Variants in CPVL observed in about 807,000 individuals in gnomAD.
CPVL encodes the protein carboxypeptidase vitellogenic like, also known as probable serine carboxypeptidase CPVL.
Under a neutral mutation model 63.7 loss-of-function variants are expected in CPVL, and 51 were observed. The ratio of observed to expected loss-of-function variants is 0.80; its 90% CI spans 0.64 to 1.01. The LOEUF (loss-of-function observed/expected upper bound fraction) is 1.01, where lower values mean the gene tolerates loss of function less well. Ranked by LOEUF, CPVL falls within the 50% of genes least tolerant of loss-of-function variation. The pLI is 0.00. For missense variants in CPVL, 530 were observed against 573.1 expected, an observed-to-expected ratio of 0.92 and a Z score of 0.77; for synonymous variants, 195 against 206.0, an observed-to-expected ratio of 0.95 and a Z score of 0.46.
intron 12 of CPVL, among the ~76,000 whole-genome samples, chr7:29,006,903 C>A (rs960519509): frequency 1.0e-5 from 1 of 98,258 alleles, no homozygotes; most frequent in Non-Finnish European, 2.0e-5. Context: ...CTCCATCTTC[C>A]GCCTTATTTG....
At chr7:29,100,066 G>A (rs1786939138) in intron 3 of CPVL, among the ~76,000 whole-genome samples, 1 of 152,124 alleles carries the variant, frequency 6.6e-6, no homozygotes, top group Non-Finnish European at 1.5e-5. Flanking sequence ...CACCAGTACT[G>A]CCTTCCACTT....
chr7:28,997,581 A>G (rs1784208961), intron 12 of CPVL, among the ~76,000 whole-genome samples: 1 of 152,214 alleles, frequency 6.6e-6, no homozygotes, highest in Non-Finnish European at 1.5e-5. Flanking sequence ...TCACATGAGC[A>G]TTGAGATGAC....
chr7:29,105,087 T>G (rs753873855), intron 3 of CPVL, among the ~76,000 whole-genome samples: 1 of 152,212 alleles, frequency 6.6e-6, no homozygotes, highest in African/African-American at 2.4e-5. Context: ...GATCTCCAAA[T>G]CTTTGTTGCA....
chr7:29,163,988 A>C (rs1452496009), intron 5 of CPVL, among the ~76,000 whole-genome samples: 1 of 152,252 alleles, frequency 6.6e-6, no homozygotes, highest in African/African-American at 2.4e-5. Context: ...ATTCGTGGAC[A>C]AGTCCTTATG....
In CPVL at chr7:29,064,137, A is replaced by G; in HGVS notation, c.1061T>C (p.Ile354Thr). The change falls in exon 11 of 13, where the codon ATA (isoleucine) becomes ACA (threonine). Residue 354 changes from isoleucine to threonine, a missense_variant. By Grantham distance (89) the Ile-to-Thr change is moderately conservative. Coordinates refer to ENST00000265394, the MANE Select transcript of CPVL (RefSeq NM_031311.5). Reference protein sequence around the residue: ...VGNQTFNDGTIVEKYLREDTV... With the variant: ...VGNQTFNDGTTVEKYLREDTV... The stretch of plus-strand genomic sequence containing the variant: ...ATCTTCTCGCAAGTACTTTTCAACT[A>G]TAGTTCCATCATTAAAAGTCTGATT... The G allele has an allele frequency of 2.5e-6, 4 of 1,612,880 alleles. No individual in the cohort carries two copies. Among genetic ancestry groups the G allele is most frequent in the Non-Finnish European group, 3.4e-6 (4 of 1,178,928 alleles).
chr7:29,076,278 C>T (rs569438400), intron 7 of CPVL, among the ~76,000 whole-genome samples: 1 of 152,252 alleles, frequency 6.6e-6, no homozygotes, highest in South Asian at 2.1e-4. Flanking sequence ...ACAACCAGAA[C>T]TCTTGGTCCC....
chr7:29,161,963 C>A (rs1489009780), intron 5 of CPVL, among the ~76,000 whole-genome samples: 1 of 152,124 alleles, frequency 6.6e-6, no homozygotes, highest in Admixed American at 6.5e-5. Flanking sequence ...AAGTTAAAAT[C>A]ACCAAGACAG....
At chr7:29,097,127 G>A (rs1786518466) in intron 3 of CPVL, among the ~76,000 whole-genome samples, 1 of 152,102 alleles carries the variant, frequency 6.6e-6, no homozygotes, top group Non-Finnish European at 1.5e-5. Flanking sequence ...CCTGAACAAG[G>A]TACAGATTTA....
intron 5 of CPVL, among the ~76,000 whole-genome samples, chr7:29,154,976 T>C (rs1217769422): frequency 6.6e-6 from 1 of 152,164 alleles, no homozygotes; most frequent in Admixed American, 6.5e-5. Flanking sequence ...GCAAGTCACA[T>C]CTTACATGGA....
At chr7:28,996,191 T>G (rs1784040014) in intron 12 of CPVL, 1 of 248,052 alleles carries the variant, frequency 4.0e-6, no homozygotes, top group Non-Finnish European at 7.6e-6. Context: ...TCCCCGCAGT[T>G]GAGAGTGCTG....
chr7:29,072,040 C>T, intron 8 of CPVL, 136 bp from the exon 9 acceptor site: 2 of 1,041,536 alleles, frequency 1.9e-6, no homozygotes, highest in Middle Eastern at 2.1e-4. Flanking sequence ...ATTACATGCA[C>T]ACACACATAT....
At chr7:29,148,283 C>A (rs188435571), upstream of CPVL, among the ~76,000 whole-genome samples, 4 of 152,158 alleles carry the variant, frequency 2.6e-5, no homozygotes, top group Non-Finnish European at 5.9e-5. Flanking sequence ...CACGTGGAAC[C>A]ACTTAAAAAC....
intron 11 of CPVL, among the ~76,000 whole-genome samples, chr7:29,060,657 T>G (rs1242085312): frequency 6.6e-6 from 1 of 152,222 alleles, no homozygotes; most frequent in African/African-American, 2.4e-5. Context: ...GAAACTAACG[T>G]AGTTTACAGA....
intron 12 of CPVL, among the ~76,000 whole-genome samples, chr7:28,999,222 G>GA (rs1157364805): frequency 5.3e-5 from 8 of 151,920 alleles, no homozygotes; most frequent in Non-Finnish European, 2.9e-5. Context: ...AAAAACAAAC[G>GA]AAAAAACAAA....
At chr7:29,094,983 G>A in intron 5 of CPVL, 101 bp downstream of exon 5, 1 of 858,928 alleles carries the variant, frequency 1.2e-6, no homozygotes, top group Non-Finnish European at 1.9e-6. Flanking sequence ...ATTTTCAAAA[G>A]GAAAAACGAA....
At chr7:29,025,378 G>C (rs964982315) in intron 12 of CPVL, among the ~76,000 whole-genome samples, 3 of 152,194 alleles carry the variant, frequency 2.0e-5, no homozygotes, top group Admixed American at 6.5e-5. Context: ...AGGAACAAGA[G>C]ACAGAGATGG....
At chr7:29,115,670 A>G (rs1788713411) in intron 2 of CPVL, among the ~76,000 whole-genome samples, 1 of 152,196 alleles carries the variant, frequency 6.6e-6, no homozygotes, top group South Asian at 2.1e-4. Context: ...AGAGAAGTAA[A>G]AACTGTGGAT....
At chr7:29,152,548 T>C (rs1793738684) in intron 5 of CPVL, among the ~76,000 whole-genome samples, 1 of 152,232 alleles carries the variant, frequency 6.6e-6, no homozygotes, top group African/African-American at 2.4e-5. Context: ...GCCTGTCTTA[T>C]GCCACATGTG....
At chr7:29,083,920 T>C (rs1414392068) in intron 7 of CPVL, among the ~76,000 whole-genome samples, 2 of 152,142 alleles carry the variant, frequency 1.3e-5, no homozygotes, top group Non-Finnish European at 2.9e-5. Context: ...GTTACTTGTC[T>C]AATTTTTTCC....
Sources: gnomAD v4.1 joint callset for allele counts (sites outside exome capture counted in the v4.1 genomes callset) on GRCh38, gnomAD v4.1.1 for gene constraint, MANE v1.5 for transcripts, NCBI Gene and HGNC (gene_info 2026-07-23, HGNC 2026-07-21) for gene names.